The following TOX variants were observed in gnomAD, a reference collection of about 807,000 sequenced individuals.
TOX encodes thymocyte selection associated high mobility group box.
TOX carries 11 observed loss-of-function variants against 53.7 expected under a neutral mutation model. The ratio of observed to expected loss-of-function variants is 0.20; its 90% CI spans 0.13 to 0.34. The LOEUF is 0.34. TOX is among the 10% of genes least tolerant of loss of function. The pLI, the probability that TOX is intolerant of heterozygous loss-of-function variation, is 1.00. For synonymous variants in TOX, 225 were observed against 245.3 expected (o/e 0.92, Z 0.77); for missense variants, 570 against 664.6 (o/e 0.86, Z 1.56).
chr8:58,905,554 A>G (rs985869962), intron 3 of TOX, among the ~76,000 whole-genome samples: 1 of 152,208 alleles, frequency 6.6e-6, no homozygotes. Context: ...CCTTGGCTGG[A>G]TAAGATGTAC....
chr8:58,829,787 A>G (rs1462022145), intron 5 of TOX, among the ~76,000 whole-genome samples: 1 of 152,206 alleles, frequency 6.6e-6, no homozygotes, highest in Non-Finnish European at 1.5e-5. Context: ...TGATAATGAT[A>G]TATAAAAATT....
chr8:59,001,778 A>C (rs1024032593), intron 1 of TOX, among the ~76,000 whole-genome samples: 1 of 152,146 alleles, frequency 6.6e-6, no homozygotes, highest in African/African-American at 2.4e-5. Context: ...TCAGATGACA[A>C]AATGATAGTT....
chr8:58,973,423 T>C (rs1278393019), intron 1 of TOX, among the ~76,000 whole-genome samples: 5 of 152,240 alleles, frequency 3.3e-5, no homozygotes, highest in African/African-American at 9.6e-5. Context: ...ATCAGATGAC[T>C]GAAAAGAAAA....
At chr8:58,848,873 A>C (rs1437890309) in intron 4 of TOX, among the ~76,000 whole-genome samples, 1 of 152,158 alleles carries the variant, frequency 6.6e-6, no homozygotes, top group Non-Finnish European at 1.5e-5. Flanking sequence ...AATTGCTTAA[A>C]GACAGCACAA....
chr8:58,993,142 C>A (rs1813487756), intron 1 of TOX, among the ~76,000 whole-genome samples: 1 of 152,002 alleles, frequency 6.6e-6, no homozygotes, highest in South Asian at 2.1e-4. Flanking sequence ...GAGTAACCGT[C>A]CTGTTCTGGG....
At chr8:58,932,815 G>A (rs971091685) in intron 3 of TOX, among the ~76,000 whole-genome samples, 6 of 152,208 alleles carry the variant, frequency 3.9e-5, no homozygotes, top group African/African-American at 7.2e-5. Flanking sequence ...CTATGAAAGC[G>A]ATGGTTGTCA....
chr8:58,901,225 T>A (rs995438160), intron 3 of TOX, among the ~76,000 whole-genome samples: 1 of 152,174 alleles, frequency 6.6e-6, no homozygotes, highest in African/African-American at 2.4e-5. Context: ...GGAACTCAAA[T>A]AATTTTCTAA....
In TOX at chr8:59,118,842, A is replaced by T. The variant is rs774624223; in HGVS notation, c.102+44T>A. Reference sequence around the variant, plus strand: ...CGGCCACCGCCGCTCCCCTCCCAGGATCAAGCAGCAAGAACACGGTGGAAA... The same window carrying T: ...CGGCCACCGCCGCTCCCCTCCCAGGTTCAAGCAGCAAGAACACGGTGGAAA... On this transcript the variant is annotated intron_variant, in intron 1 of 8. Transcript: ENST00000361421. The surrounding 1 kb of genome is among the most constrained non-coding windows in gnomAD (Gnocchi z 4.1). The T allele has an allele frequency of 2.7e-6, 4 of 1,492,856 alleles. No individual in the cohort carries two copies. The East Asian group carries it at 1.1e-4, about 40-fold the overall frequency. The allele number at this position is 1,492,856 out of a possible 1,614,324, so 92.5% of individuals were successfully genotyped here.
At chr8:58,837,961 G>A (rs1039827855) in intron 5 of TOX, 120 bp downstream of exon 5, 2 of 853,634 alleles carry the variant, frequency 2.3e-6, no homozygotes. Context: ...TTCGGATGGG[G>A]ACACCTTCTC....
chr8:58,879,249 C>A (rs1811342165), intron 3 of TOX, among the ~76,000 whole-genome samples: 1 of 152,068 alleles, frequency 6.6e-6, no homozygotes, highest in African/African-American at 2.4e-5. Context: ...AGACTACTGG[C>A]ATGATAGCTA....
chr8:58,936,980 A>G (rs1444789050), intron 3 of TOX, among the ~76,000 whole-genome samples: 1 of 152,250 alleles, frequency 6.6e-6, no homozygotes, highest in Non-Finnish European at 1.5e-5. Flanking sequence ...GTTGGACAGC[A>G]CAGATTATAG....
chr8:58,911,540 T>A (rs1000138010), intron 3 of TOX, among the ~76,000 whole-genome samples: 9 of 152,190 alleles, frequency 5.9e-5, no homozygotes, highest in African/African-American at 2.2e-4. Context: ...CATAAAGTAT[T>A]CTATCTTACA....
chr8:59,054,302 C>G (rs1270764419), intron 1 of TOX, among the ~76,000 whole-genome samples: 1 of 152,140 alleles, frequency 6.6e-6, no homozygotes, highest in Admixed American at 6.5e-5. Flanking sequence ...CTGATCTTTG[C>G]GTACTCTCTC....
At chr8:58,969,385 T>C (rs117927136) in intron 1 of TOX, among the ~76,000 whole-genome samples, 2,415 of 152,328 alleles carry the variant, frequency 0.016, 31 homozygotes, top group Non-Finnish European at 0.022. Context: ...TCTGTTTACA[T>C]ATCTTTTGCA....
intron 1 of TOX, among the ~76,000 whole-genome samples, chr8:59,059,070 A>C (rs1033008197): frequency 2.6e-5 from 4 of 152,200 alleles, no homozygotes; most frequent in African/African-American, 9.7e-5. Flanking sequence ...GAGGATTTGA[A>C]TTGAGGTATA....
At chr8:59,082,343 A>G (rs533623608) in intron 1 of TOX, among the ~76,000 whole-genome samples, 2 of 152,248 alleles carry the variant, frequency 1.3e-5, no homozygotes, top group African/African-American at 2.4e-5. Context: ...CAAGTTTTCC[A>G]TGAGGCCTTG....
chr8:59,059,404 A>T (rs1803939888), intron 1 of TOX, among the ~76,000 whole-genome samples: 1 of 152,190 alleles, frequency 6.6e-6, no homozygotes, highest in Non-Finnish European at 1.5e-5. Flanking sequence ...AAAAGAAGAA[A>T]TATTTTACTC....
intron 3 of TOX, among the ~76,000 whole-genome samples, chr8:58,927,533 C>A (rs1246284192): frequency 6.6e-6 from 1 of 152,202 alleles, no homozygotes. Flanking sequence ...TCGCACCTCC[C>A]ACCTCCTGGT....
chr8:58,919,331 C>T (rs1317447212), intron 3 of TOX, among the ~76,000 whole-genome samples: 1 of 55,282 alleles, frequency 1.8e-5, no homozygotes, highest in Non-Finnish European at 3.3e-5. Flanking sequence ...GTAACCAAAA[C>T]AGCATGGTAC....
Sources: allele counts gnomAD v4.1 joint callset (sites outside exome capture counted in the v4.1 genomes callset), GRCh38; gene constraint gnomAD v4.1.1; non-coding constraint Gnocchi (gnomAD v3.1); transcripts MANE v1.5; gene names NCBI Gene and HGNC (gene_info 2026-07-23, HGNC 2026-07-21).